SPEF2: variants seen among roughly 807,000 people sequenced by gnomAD.
SPEF2 encodes sperm flagella and cilia-associated protein 2.
SPEF2 carries 187 observed loss-of-function variants against 224.6 expected under a neutral mutation model. That is an observed-to-expected ratio of 0.83 (90% confidence interval 0.74 to 0.94). The LOEUF (loss-of-function observed/expected upper bound fraction) is 0.94. SPEF2 is among the 40% of genes least tolerant of loss of function. The pLI is 0.00. For synonymous variants in SPEF2, 715 were observed against 707.3 expected (o/e 1.01, Z -0.17); for missense variants, 2,170 against 2,135.6 (o/e 1.02, Z -0.32).
At chr5:35,685,064 T>C (rs1233141893) in intron 10 of SPEF2, among the ~76,000 whole-genome samples, 1 of 152,138 alleles carries the variant, frequency 6.6e-6, no homozygotes. Flanking sequence ...CAATTAGTAT[T>C]TGGCTAATTT....
intron 6 of SPEF2, among the ~76,000 whole-genome samples, chr5:35,651,213 AAGC>A (rs1343314548): frequency 9.2e-5 from 14 of 152,232 alleles, no homozygotes; most frequent in Admixed American, 9.2e-4. Context: ...ACAGAGTGGG[AAGC>A]TGGGAAACGT....
chr5:35,664,843 A>G (rs1383686166), intron 8 of SPEF2, among the ~76,000 whole-genome samples: 1 of 12,684 alleles, frequency 7.9e-5, no homozygotes, highest in East Asian at 1.2e-3. Context: ...AGGAGGAGAG[A>G]GAGAAAACGA....
intron 20 of SPEF2, among the ~76,000 whole-genome samples, chr5:35,713,102 T>C (rs1287982978): frequency 6.6e-6 from 1 of 152,314 alleles, no homozygotes; most frequent in African/African-American, 2.4e-5. Context: ...AGGGATAATT[T>C]AGACAATATC....
At chr5:35,756,295 G>A (rs1398376624) in intron 24 of SPEF2, among the ~76,000 whole-genome samples, 1 of 152,140 alleles carries the variant, frequency 6.6e-6, no homozygotes, top group Non-Finnish European at 1.5e-5. Flanking sequence ...AACTATCTGA[G>A]GTTTCACGCA....
At chr5:35,764,614 C>T (rs1173188165) in intron 26 of SPEF2, 5 of 456,184 alleles carry the variant, frequency 1.1e-5, no homozygotes, top group South Asian at 7.7e-5. Flanking sequence ...TGAAATATCG[C>T]ATTCAAACAG....
At chr5:35,778,237 A>G (rs1753867696) in intron 29 of SPEF2, among the ~76,000 whole-genome samples, 1 of 152,216 alleles carries the variant, frequency 6.6e-6, no homozygotes, top group Non-Finnish European at 1.5e-5. Context: ...CAATACAGCG[A>G]TAATGCACTT....
chr5:35,739,976 A>C lies in SPEF2; in HGVS notation c.3121A>C (p.Thr1041Pro). The C allele has an allele frequency of 6.2e-7, 1 of 1,614,128 alleles. No homozygotes were observed. Among genetic ancestry groups the C allele is most frequent in the Non-Finnish European group, 8.5e-7 (1 of 1,179,990 alleles). Reference sequence around the variant, plus strand: ...ACTAATAGAAAATTCCTATATAAACACCATCAAAACAGTACTCAGGCATCT... The same window carrying C: ...ACTAATAGAAAATTCCTATATAAACCCCATCAAAACAGTACTCAGGCATCT... Reference protein sequence around the residue: ...WELIENSYINTIKTVLRHLRE... With the variant: ...WELIENSYINPIKTVLRHLRE... Residue 1041 changes from threonine to proline, a missense_variant, in exon 22 of 37, where the codon ACC (threonine) becomes CCC (proline). Thr to Pro is a conservative substitution (Grantham distance 38). Coordinates refer to ENST00000356031, the MANE Select transcript of SPEF2 (RefSeq NM_024867.4).
chr5:35,779,955 C>A (rs1001753729), intron 30 of SPEF2, among the ~76,000 whole-genome samples: 1 of 152,158 alleles, frequency 6.6e-6, no homozygotes, highest in African/African-American at 2.4e-5. Context: ...TTTCCTACTT[C>A]CAGATATTCT....
At chr5:35,630,263 G>A (rs1439339380) in intron 2 of SPEF2, among the ~76,000 whole-genome samples, 1 of 152,118 alleles carries the variant, frequency 6.6e-6, no homozygotes, top group African/African-American at 2.4e-5. Context: ...TCTGGAGGAC[G>A]GTTGCCCTCT....
chr5:35,721,370 A>T (rs1381835783), intron 20 of SPEF2, among the ~76,000 whole-genome samples: 2 of 152,154 alleles, frequency 1.3e-5, no homozygotes, highest in Admixed American at 6.5e-5. Flanking sequence ...ATCAATTTTA[A>T]CTTTAAGGTA....
chr5:35,705,586 A>C, intron 17 of SPEF2, 65 bp from the exon 18 acceptor site: 1 of 1,206,146 alleles, frequency 8.3e-7, no homozygotes, highest in Non-Finnish European at 1.1e-6. Flanking sequence ...CGGATAATTT[A>C]TGCTTAATGT....
chr5:35,776,283 C>G lies in SPEF2; in HGVS notation c.4105C>G (p.Leu1369Val). 1 of 1,609,488 alleles carries G rather than the reference C, an allele frequency of 6.2e-7. No homozygotes were observed. The highest frequency in any genetic ancestry group is 8.5e-7 in the Non-Finnish European group (1 of 1,178,330). Residue 1369 changes from leucine to valine, a missense_variant, in exon 29 of 37, where the codon CTG becomes GTG. Physicochemically the swap from Leu to Val is conservative, Grantham distance 32. Transcript: ENST00000356031. ...AATAGCCACGCAATTTCGACTTGAA[C>G]TGATAAAGACAAAAGCATTGGCTCT... ...EEIATQFRLE[L>V]IKTKALALLE...
intron 1 of SPEF2, among the ~76,000 whole-genome samples, chr5:35,625,549 T>A (rs1233336399): frequency 6.6e-6 from 1 of 152,118 alleles, no homozygotes; most frequent in African/African-American, 2.4e-5. Flanking sequence ...TAGCAACAGC[T>A]CTTGAACAGA....
chr5:35,761,688 T>A (rs764416457), intron 25 of SPEF2, among the ~76,000 whole-genome samples: 6 of 150,558 alleles, frequency 4.0e-5, no homozygotes, highest in Non-Finnish European at 7.4e-5. Context: ...TTAAAAACAA[T>A]TAAAAAAAAA....
In SPEF2 at chr5:35,697,686, C is replaced by A; in HGVS notation, c.2038-4C>A. The A allele has an allele frequency of 6.2e-7, 1 of 1,605,518 alleles. No homozygotes were observed. The highest frequency in any genetic ancestry group is 8.5e-7 in the Non-Finnish European group (1 of 1,176,998). On this transcript the variant is annotated splice_polypyrimidine_tract_variant and splice_region_variant and intron_variant, in intron 14 of 36. Coordinates refer to ENST00000356031, the MANE Select transcript of SPEF2 (RefSeq NM_024867.4). Reference sequence around the variant, plus strand: ...CTTCTGTCATTTCTTGTTTATTTTCCCAGCTCACTACACGTGCTCAGCTTG... The same window carrying A: ...CTTCTGTCATTTCTTGTTTATTTTCACAGCTCACTACACGTGCTCAGCTTG...
In SPEF2 at chr5:35,807,261, T is replaced by C; in HGVS notation, c.5379+8T>C. ...TCAGACTATAAGTTTCCTGTGAGTA[T>C]TACCCCAAAGTGCTCTAATTTGGTT... On this transcript the variant is annotated splice_region_variant and intron_variant, in intron 36 of 36. Transcript: ENST00000356031. 1 of 1,609,812 alleles carries C rather than the reference T, an allele frequency of 6.2e-7. No homozygotes were observed. Among genetic ancestry groups the C allele is most frequent in the Non-Finnish European group, 8.5e-7 (1 of 1,179,030 alleles).
chr5:35,732,763 C>T (rs1745845516), intron 21 of SPEF2, among the ~76,000 whole-genome samples: 1 of 152,176 alleles, frequency 6.6e-6, no homozygotes, highest in Non-Finnish European at 1.5e-5. Context: ...GAGACAGAGG[C>T]ATAAACAATA....
intron 36 of SPEF2, among the ~76,000 whole-genome samples, chr5:35,808,560 C>T (rs1758334955): frequency 6.6e-6 from 1 of 151,934 alleles, no homozygotes; most frequent in East Asian, 1.9e-4. Context: ...TCATCCATGT[C>T]CCTATGAAGG....
intron 2 of SPEF2, among the ~76,000 whole-genome samples, chr5:35,633,696 C>T (rs1745443722): frequency 6.6e-6 from 1 of 151,888 alleles, no homozygotes; most frequent in South Asian, 2.1e-4. Flanking sequence ...TTTTTTACTG[C>T]TCTACTACTG....
Sources: allele counts gnomAD v4.1 joint callset (sites outside exome capture counted in the v4.1 genomes callset), GRCh38; gene constraint gnomAD v4.1.1; transcripts MANE v1.5; gene names NCBI Gene and HGNC (gene_info 2026-07-23, HGNC 2026-07-21).